The following EFCAB6 variants were observed in gnomAD, a reference collection of about 807,000 sequenced individuals.
EFCAB6 encodes EF-hand calcium-binding domain-containing protein 6.
A neutral mutation model predicts 169.8 loss-of-function variants in EFCAB6; 156 were observed. The observed-to-expected ratio is 0.92, with a 90% CI of 0.81 to 1.05. The LOEUF is 1.05. EFCAB6 is among the 50% of genes least tolerant of loss of function. The pLI, the probability that EFCAB6 is intolerant of heterozygous loss-of-function variation, is 0.00. For missense variants in EFCAB6, 1,800 were observed against 1,829.1 expected, an observed-to-expected ratio of 0.98 and a Z score of 0.29; for synonymous variants, 698 against 676.4, an observed-to-expected ratio of 1.03 and a Z score of -0.50.
chr22:43,616,741 C>T (rs2053715307), intron 20 of EFCAB6, among the ~76,000 whole-genome samples: 2 of 152,188 alleles, frequency 1.3e-5, no homozygotes, highest in African/African-American at 4.8e-5. Context: ...CCTTTGCTCA[C>T]AGGTCCCTGC....
chr22:43,684,308 T>C (rs1235034852), intron 11 of EFCAB6, among the ~76,000 whole-genome samples: 1 of 152,148 alleles, frequency 6.6e-6, no homozygotes, highest in African/African-American at 2.4e-5. Flanking sequence ...CCTCTCCCTT[T>C]CTGTTGACAA....
At chr22:43,578,936 T>C (rs1031427682) in intron 25 of EFCAB6, among the ~76,000 whole-genome samples, 2 of 149,998 alleles carry the variant, frequency 1.3e-5, no homozygotes, top group Non-Finnish European at 1.5e-5. Flanking sequence ...GTAGGCATCA[T>C]TGCTTACATG....
intron 3 of EFCAB6, among the ~76,000 whole-genome samples, chr22:43,778,376 A>G (rs1485600606): frequency 1.3e-5 from 2 of 152,194 alleles, no homozygotes; most frequent in Non-Finnish European, 2.9e-5. Flanking sequence ...GTTTTGCACA[A>G]GTTCGGGGCA....
intron 30 of EFCAB6, 107 bp downstream of exon 30, chr22:43,534,581 A>G: frequency 9.3e-7 from 1 of 1,069,576 alleles, no homozygotes; most frequent in Non-Finnish European, 1.3e-6. Context: ...ACCGTGAACC[A>G]CTGTTCTCCA....
chr22:43,778,002 G>C (rs2061694245), intron 3 of EFCAB6, among the ~76,000 whole-genome samples: 1 of 152,030 alleles, frequency 6.6e-6, no homozygotes, highest in Non-Finnish European at 1.5e-5. Flanking sequence ...CTAACAATGA[G>C]AACAAGTAGG....
chr22:43,693,535 A>G (rs2058477867), intron 10 of EFCAB6, among the ~76,000 whole-genome samples: 1 of 148,838 alleles, frequency 6.7e-6, no homozygotes, highest in Non-Finnish European at 1.5e-5. Flanking sequence ...GGGGCATCCT[A>G]GATGATATCC....
At chr22:43,565,804 G>A (rs1339715379) in intron 26 of EFCAB6, among the ~76,000 whole-genome samples, 1 of 151,776 alleles carries the variant, frequency 6.6e-6, no homozygotes, top group Non-Finnish European at 1.5e-5. Context: ...GAACTCAGCA[G>A]GTAGCAAAAA....
At chr22:43,591,707 C>G (rs772752098) in intron 23 of EFCAB6, among the ~76,000 whole-genome samples, 1 of 152,122 alleles carries the variant, frequency 6.6e-6, no homozygotes, top group African/African-American at 2.4e-5. Flanking sequence ...ATCTTTCTGT[C>G]GCTCCCAGCT....
chr22:43,758,310 G>C (rs1021060592), intron 5 of EFCAB6, among the ~76,000 whole-genome samples: 4 of 152,078 alleles, frequency 2.6e-5, no homozygotes, highest in African/African-American at 9.7e-5. Flanking sequence ...TGTAGTATCT[G>C]TTGTAGATTT....
chr22:43,646,781 T>C (rs964361754), intron 17 of EFCAB6, among the ~76,000 whole-genome samples: 7 of 152,382 alleles, frequency 4.6e-5, no homozygotes, highest in African/African-American at 1.7e-4. Context: ...TAATTCTGAC[T>C]GATATGTTAG....
intron 22 of EFCAB6, among the ~76,000 whole-genome samples, chr22:43,603,829 G>A (rs1358873531): frequency 6.6e-6 from 1 of 152,204 alleles, no homozygotes; most frequent in Non-Finnish European, 1.5e-5. Flanking sequence ...AAATGAAAGT[G>A]TCTGATATGG....
At chr22:43,658,540 G>A (rs948513157) in intron 17 of EFCAB6, among the ~76,000 whole-genome samples, 14 of 152,266 alleles carry the variant, frequency 9.2e-5, no homozygotes, top group Admixed American at 5.2e-4. Context: ...CCACACTTTC[G>A]TGGTACGCAG....
chr22:43,630,146 CAAAA>C (rs1045123251), intron 19 of EFCAB6, among the ~76,000 whole-genome samples: 1 of 151,914 alleles, frequency 6.6e-6, no homozygotes, highest in African/African-American at 2.4e-5. Flanking sequence ...CAAAAAAATT[CAAAA>C]AAAGTGACTG....
intron 10 of EFCAB6, among the ~76,000 whole-genome samples, chr22:43,696,119 A>G (rs367690785): frequency 1.1e-4 from 17 of 152,166 alleles, no homozygotes; most frequent in African/African-American, 3.6e-4. Flanking sequence ...CAATAGGAAA[A>G]TAACCTGATA....
At position 43,799,640 on chromosome 22, in the gene EFCAB6, T is replaced by C. The variant is rs544026997; in HGVS notation, c.-8+9355A>G. 9.8e-5 allele frequency among the ~76,000 whole-genome samples: 15 copies of C among 152,344 alleles called. No homozygotes were observed. In the East Asian group the frequency reaches 2.9e-3, roughly 29 times the overall value. On this transcript the variant is annotated intron_variant, in intron 2 of 31. Transcript: ENST00000262726. ...CTAAAATTATTTCAAAATAAAGTTT[T>C]TTAAAAACATGCAATAGTCCAGTTC... is the stretch of plus-strand genomic sequence containing the variant.
intron 30 of EFCAB6, among the ~76,000 whole-genome samples, chr22:43,533,696 C>A (rs1202051812): frequency 6.6e-6 from 1 of 152,230 alleles, no homozygotes; most frequent in East Asian, 1.9e-4. Context: ...CTTCGACAGA[C>A]CCTGGCGTCT....
chr22:43,604,045 A>G (rs996397540), intron 22 of EFCAB6, among the ~76,000 whole-genome samples: 19 of 152,110 alleles, frequency 1.2e-4, no homozygotes, highest in Non-Finnish European at 2.2e-4. Context: ...TCTGGCCACA[A>G]GAAGCGCTGG....
At chr22:43,571,821 G>A (rs903643833) in intron 26 of EFCAB6, among the ~76,000 whole-genome samples, 4 of 152,038 alleles carry the variant, frequency 2.6e-5, no homozygotes, top group African/African-American at 9.7e-5. Context: ...CTTGCTCCAC[G>A]GTCACCCCCC....
chr22:43,718,767 G>A (rs2059421582), intron 8 of EFCAB6, among the ~76,000 whole-genome samples: 1 of 152,192 alleles, frequency 6.6e-6, no homozygotes, highest in Admixed American at 6.5e-5. Context: ...GTGACAGAGA[G>A]AGGCTCCACC....
Sources: allele counts gnomAD v4.1 joint callset (sites outside exome capture counted in the v4.1 genomes callset), GRCh38; gene constraint gnomAD v4.1.1; transcripts MANE v1.5; gene names NCBI Gene and HGNC (gene_info 2026-07-23, HGNC 2026-07-21).